The following FRMPD4 variants were observed in gnomAD, a reference collection of about 807,000 sequenced individuals.
FRMPD4 encodes the protein FERM and PDZ domain containing 4, also known as FERM and PDZ domain-containing protein 4.
FRMPD4 carries 22 observed loss-of-function variants against 94.1 expected under a neutral mutation model. The ratio of observed to expected loss-of-function variants is 0.23; its 90% CI spans 0.17 to 0.33. The LOEUF (loss-of-function observed/expected upper bound fraction) is 0.33, where lower values mean the gene tolerates loss of function less well. Among genes scored for constraint, FRMPD4 ranks in the 10% least tolerant of loss-of-function variants. The probability of loss-of-function intolerance (pLI) is 1.00; values close to 1 mark genes in which losing one functional copy is unlikely to be tolerated. For synonymous variants in FRMPD4, 631 were observed against 548.6 expected, an observed-to-expected ratio of 1.15 and a Z score of -2.10; for missense variants, 1,111 against 1,339.9, an observed-to-expected ratio of 0.83 and a Z score of 2.67.
At chrX:12,343,489 G>A (rs764135548) in intron 1 of FRMPD4, among the ~76,000 whole-genome samples, 4 of 110,920 alleles carry the variant, frequency 3.6e-5, no homozygotes, top group Non-Finnish European at 7.5e-5. Flanking sequence ...CTCTAGGGAT[G>A]TAAGAGTTGA....
intron 2 of FRMPD4, among the ~76,000 whole-genome samples, chrX:12,512,075 T>C (rs1166944882): frequency 8.9e-6 from 1 of 112,074 alleles, no homozygotes; most frequent in Non-Finnish European, 1.9e-5. Context: ...AGGCAAAATC[T>C]TCCGTTAGCA....
intron 1 of FRMPD4, among the ~76,000 whole-genome samples, chrX:11,827,631 G>A (rs147776768): frequency 4.8e-3 from 541 of 111,572 alleles, no homozygotes; most frequent in African/African-American, 0.017. Context: ...GCCATTTAGC[G>A]CCTGAATAAT....
At chrX:12,167,516 T>C (rs1395171064) in intron 1 of FRMPD4, among the ~76,000 whole-genome samples, 1 of 111,653 alleles carries the variant, frequency 9.0e-6, no homozygotes, top group Non-Finnish European at 1.9e-5. Context: ...GGGATTTTAA[T>C]TGGGGGAAAT....
At chrX:12,415,019 C>G (rs1230910634) in intron 1 of FRMPD4, among the ~76,000 whole-genome samples, 1 of 110,787 alleles carries the variant, frequency 9.0e-6, no homozygotes, top group Non-Finnish European at 1.9e-5. Context: ...AGGAAATTGT[C>G]TAGAGTTCAG....
At position 12,185,366 on chromosome X, in the gene FRMPD4, A is replaced by G. The variant is rs148807334; in HGVS notation, c.41+46354A>G. ...CACTTGGGGAGATTCTATAGACTATAGATGCCTCACCCCGCACCCACAGAA... is the reference window on the plus strand; with the variant it reads ...CACTTGGGGAGATTCTATAGACTATGGATGCCTCACCCCGCACCCACAGAA... On this transcript the variant is annotated intron_variant, in intron 1 of 16. Coordinates refer to ENST00000675598, the MANE Select transcript of FRMPD4 (RefSeq NM_001368397.1). Among the ~76,000 whole-genome samples, 96 of 111,713 alleles carry G rather than the reference A, an allele frequency of 8.6e-4. 2 individuals carry two copies. In the East Asian group the frequency reaches 0.021, roughly 24 times the overall value.
Position 12,620,905 on chromosome X carries a change from G to C in FRMPD4, c.422+6024G>C, listed in dbSNP as rs185381624. ...ATAAGGTATTTACTAGCTGAAACCA[G>C]TCTATAAAGACCAGCCTATAAAGAC... On this transcript the variant is annotated intron_variant, in intron 4 of 16. Coordinates refer to ENST00000675598, the MANE Select transcript of FRMPD4 (RefSeq NM_001368397.1). 3.8e-3 allele frequency among the ~76,000 whole-genome samples: 424 copies of C among 112,369 alleles called. 1 individual carries two copies. Among genetic ancestry groups the C allele is most frequent in the Non-Finnish European group, 5.5e-3 (295 of 53,246 alleles).
At chrX:12,422,928 G>C (rs753920355) in intron 1 of FRMPD4, among the ~76,000 whole-genome samples, 17 of 111,256 alleles carry the variant, frequency 1.5e-4, no homozygotes, top group African/African-American at 5.6e-4. Flanking sequence ...ATGTTTACTA[G>C]AGGGAGAGAA....
At chrX:12,453,585 T>C (rs1035718321) in intron 1 of FRMPD4, among the ~76,000 whole-genome samples, 1 of 111,715 alleles carries the variant, frequency 9.0e-6, no homozygotes, top group Non-Finnish European at 1.9e-5. Flanking sequence ...AGTTCCGAGT[T>C]ATTTTGATAT....
intron 1 of FRMPD4, among the ~76,000 whole-genome samples, chrX:12,378,688 T>C (rs2056275816): frequency 8.9e-6 from 1 of 112,318 alleles, no homozygotes; most frequent in African/African-American, 3.2e-5. Flanking sequence ...GGGGGAATGA[T>C]GTATGTCTTA....
chrX:12,371,587 C>T (rs1030516087), intron 1 of FRMPD4, among the ~76,000 whole-genome samples: 2 of 111,923 alleles, frequency 1.8e-5, no homozygotes, highest in African/African-American at 3.2e-5. Context: ...ATGACAGTAA[C>T]GATTGCAATC....
chrX:12,243,790 CTTTTTTTTTTTT>C (rs148889684), intron 1 of FRMPD4, among the ~76,000 whole-genome samples: 2 of 22,930 alleles, frequency 8.7e-5, no homozygotes, highest in Non-Finnish European at 1.4e-4. Context: ...ATCTAAAGGG[CTTTTTTTTTTTT>C]TTTTTTTTTT....
chrX:12,710,568 A>C, intron 14 of FRMPD4, 31 bp downstream of exon 14: 4 of 1,154,912 alleles, frequency 3.5e-6, no homozygotes, highest in Non-Finnish European at 4.7e-6. Flanking sequence ...TCAAGCACTG[A>C]CCTCCCTGCA....
At chrX:12,570,734 G>C (rs1188469871) in intron 2 of FRMPD4, among the ~76,000 whole-genome samples, 1 of 111,516 alleles carries the variant, frequency 9.0e-6, no homozygotes, top group African/African-American at 3.3e-5. Flanking sequence ...GGATACTACT[G>C]AACCCTATGG....
At chrX:12,489,473 T>A (rs1180924294) in intron 1 of FRMPD4, among the ~76,000 whole-genome samples, 1 of 112,402 alleles carries the variant, frequency 8.9e-6, no homozygotes, top group East Asian at 2.8e-4. Context: ...TTATGAGTCA[T>A]CCATAAATAA....
At chrX:12,652,250 C>G (rs1260665564) in intron 4 of FRMPD4, among the ~76,000 whole-genome samples, 1 of 112,310 alleles carries the variant, frequency 8.9e-6, no homozygotes, top group Non-Finnish European at 1.9e-5. Flanking sequence ...ATTCTTCTCT[C>G]TATATAATAG....
intron 1 of FRMPD4, among the ~76,000 whole-genome samples, chrX:12,318,870 T>C (rs765187071): frequency 9.1e-6 from 1 of 110,246 alleles, no homozygotes; most frequent in East Asian, 2.8e-4. Flanking sequence ...GCTTTATGTA[T>C]CCATAAAAAT....
At chrX:12,021,592 C>A (rs1186453482) in intron 3 of FRMPD4, among the ~76,000 whole-genome samples, 2 of 111,519 alleles carry the variant, frequency 1.8e-5, no homozygotes, top group African/African-American at 6.5e-5. Context: ...GGAAAAGCCT[C>A]CCCTGCCTGC....
intron 3 of FRMPD4, among the ~76,000 whole-genome samples, chrX:11,941,212 C>T (rs965708458): frequency 2.8e-5 from 2 of 70,741 alleles, no homozygotes; most frequent in Non-Finnish European, 5.8e-5. Context: ...GAGATGAACC[C>T]GGTACCTCAG....
chrX:12,665,399 G>T (rs1448356010), intron 4 of FRMPD4, among the ~76,000 whole-genome samples: 1 of 109,279 alleles, frequency 9.2e-6, no homozygotes, highest in Non-Finnish European at 1.9e-5. Context: ...AGCCAAGATT[G>T]CACCACTGCA....
Sources: allele counts gnomAD v4.1 joint callset (sites outside exome capture counted in the v4.1 genomes callset), GRCh38; gene constraint gnomAD v4.1.1; transcripts MANE v1.5; gene names NCBI Gene and HGNC (gene_info 2026-07-23, HGNC 2026-07-21).